Variants in MTOR observed in about 807,000 individuals in gnomAD.
MTOR encodes the protein serine/threonine-protein kinase mTOR.
In MTOR, 70 loss-of-function variants were observed where a neutral mutation model predicts 319.8. That is an observed-to-expected ratio of 0.22 (90% CI 0.18 to 0.27). The LOEUF is 0.27. Ranked by LOEUF, MTOR falls within the 10% of genes least tolerant of loss-of-function variation. The pLI is 1.00. For missense variants in MTOR, 1,890 were observed against 3,274.4 expected (o/e 0.58, Z 10.32); for synonymous variants, 1,183 against 1,211.4 (o/e 0.98, Z 0.49).
chr1:11,183,559 C>G (rs570094160), intron 28 of MTOR, among the ~76,000 whole-genome samples: 9 of 152,146 alleles, frequency 5.9e-5, no homozygotes, highest in Non-Finnish European at 1.3e-4. Context: ...GCCTTTCATT[C>G]TCTTCATTGT....
chr1:11,207,596 C>CT (rs1646177809), intron 25 of MTOR, among the ~76,000 whole-genome samples: 1 of 96,326 alleles, frequency 1.0e-5, no homozygotes, highest in Admixed American at 1.6e-4. Flanking sequence ...TTTTTCAATT[C>CT]CTTTTTTTTT....
In MTOR at chr1:11,240,463, C is replaced by T. The variant is rs774409638; in HGVS notation, c.1626G>A (p.Met542Ile). The T allele has an allele frequency of 2.5e-6, 4 of 1,614,230 alleles. No homozygotes were observed. The highest frequency in any genetic ancestry group is 3.4e-6 in the Non-Finnish European group (4 of 1,180,052). ...GTTTGTGCATAAGGACCAGGGACAG[C>T]ATTTTCAGTAGCCCATCTTGAATGT... ...KKDIQDGLLK[M>I]LSLVLMHKPL... Residue 542 changes from methionine to isoleucine, a missense_variant, in exon 11 of 58, where the codon ATG becomes ATA. By Grantham distance (10) the Met-to-Ile change is conservative. This residue lies in a region of MTOR where 418 missense variants were observed against 543.1 expected (regional missense o/e 0.77). Transcript: ENST00000361445.
At chr1:11,249,951 G>T (rs944600126) in intron 6 of MTOR, among the ~76,000 whole-genome samples, 2 of 150,922 alleles carry the variant, frequency 1.3e-5, no homozygotes, top group African/African-American at 4.8e-5. Context: ...CCCAGACGGG[G>T]TGGTGGCCGG....
rs772556623 is a variant in MTOR at position 11,139,609 on chromosome 1, G to T, written c.4922C>A (p.Ser1641Tyr). The change falls in exon 35 of 58, where the codon TCC (serine) becomes TAC (tyrosine). Residue 1641 changes from serine to tyrosine, a missense_variant. Physicochemically the swap from Ser to Tyr is moderately radical, Grantham distance 144 (BLOSUM62 -2). Transcript: ENST00000361445. ...EDWQKILMVR[S>Y]LVVSPHEDMR... Reference sequence around the variant, plus strand: ...GTCTTCATGAGGGCTGACCACAAGGGACCGCACCATAAGGATTTTCTGCCA... The same window carrying T: ...GTCTTCATGAGGGCTGACCACAAGGTACCGCACCATAAGGATTTTCTGCCA... The T allele has an allele frequency of 6.2e-7, 1 of 1,614,052 alleles. No homozygotes were observed. Among genetic ancestry groups the T allele is most frequent in the Non-Finnish European group, 8.5e-7 (1 of 1,180,048 alleles).
chr1:11,240,750 C>T (rs1647896836), intron 10 of MTOR, among the ~76,000 whole-genome samples: 1 of 152,156 alleles, frequency 6.6e-6, no homozygotes, highest in Admixed American at 6.6e-5. Flanking sequence ...CTGGTTCTTG[C>T]CACAGAAGAC....
chr1:11,112,549 C>T (rs772078705), intron 54 of MTOR, among the ~76,000 whole-genome samples: 1 of 152,196 alleles, frequency 6.6e-6, no homozygotes, highest in South Asian at 2.1e-4. Context: ...TCAAGAACCA[C>T]GAGAAAACTA....
In MTOR at chr1:11,147,251, C is replaced by T. The variant is rs568608007; in HGVS notation, c.4571-460G>A. The stretch of plus-strand genomic sequence containing the variant: ...TAGCCATTACACAGATGATAGGGGA[C>T]AGGATTAGACAAATAGCTTGCCCAT... On this transcript the variant is annotated intron_variant, in intron 31 of 57. Transcript: ENST00000361445. 4.1e-4 allele frequency among the ~76,000 whole-genome samples: 62 copies of T among 152,286 alleles called. No individual in the cohort carries two copies. The South Asian group carries it at 0.013, about 31-fold the overall frequency.
chr1:11,184,219 G>A (rs1410359648), intron 28 of MTOR, among the ~76,000 whole-genome samples: 2 of 152,088 alleles, frequency 1.3e-5, no homozygotes, highest in Non-Finnish European at 2.9e-5. Context: ...CATTTCACAG[G>A]TTGGCAAACT....
At position 11,216,065 on chromosome 1, in the gene MTOR, A is replaced by G. The variant is rs376368212; in HGVS notation, c.3117+83T>C. 5.4e-5 allele frequency: 52 copies of G among 958,366 alleles called. No individual in the cohort carries two copies. The African/African-American group carries it at 7.8e-4, about 14-fold the overall frequency. The allele number at this position is 958,366 out of a possible 1,614,324, so 59.4% of individuals were successfully genotyped here. On this transcript the variant is annotated intron_variant, in intron 20 of 57. Transcript: ENST00000361445. ...TAACAGCTCTACAAAGATCCGTGAA[A>G]AAAAGTCTATGTCATTCAAACTTGC...
Position 11,238,474 on chromosome 1 carries a change from C to T in MTOR, c.1930G>A (p.Val644Ile), listed in dbSNP as rs760948157. Residue 644 changes from valine to isoleucine, a missense_variant, in exon 12 of 58, where the codon GTT becomes ATT. By Grantham distance (29) the Val-to-Ile change is conservative (BLOSUM62 3). This residue lies in a region of MTOR where 418 missense variants were observed against 543.1 expected (regional missense o/e 0.77). Coordinates refer to ENST00000361445, the MANE Select transcript of MTOR (RefSeq NM_004958.4). ...ACCACTTGCACTGCGGTCTGGCTAA[C>T]CACATGAGCATGGCCACTGATGAGG... is the stretch of plus-strand genomic sequence containing the variant. ...IHLISGHAHVVSQTAVQVVAD... is the reference protein window; with the variant it reads ...IHLISGHAHVISQTAVQVVAD... The T allele has an allele frequency of 5.6e-6, 9 of 1,614,240 alleles. No homozygotes were observed. Among genetic ancestry groups the T allele is most frequent in the Non-Finnish European group, 7.6e-6 (9 of 1,180,044 alleles).
At chr1:11,183,762 G>A (rs1281252984) in intron 28 of MTOR, among the ~76,000 whole-genome samples, 5 of 152,014 alleles carry the variant, frequency 3.3e-5, no homozygotes, top group Admixed American at 3.3e-4. Context: ...GAGCTTTTGT[G>A]TGTGGTGTGA....
In MTOR at chr1:11,121,481, T is replaced by A; in HGVS notation, c.6811-113A>T. ...GAGCTGAGTTCTAATTTCCCCATCA[T>A]AGCCAAAGGAGAAGGGAAATAAGAA... is the stretch of plus-strand genomic sequence containing the variant. On this transcript the variant is annotated intron_variant, in intron 48 of 57. Coordinates refer to ENST00000361445, the MANE Select transcript of MTOR (RefSeq NM_004958.4). The surrounding 1 kb of genome is among the most constrained non-coding windows in gnomAD (Gnocchi z 4.9). 2 of 1,384,850 alleles carry A rather than the reference T, an allele frequency of 1.4e-6. No homozygotes were observed. Among genetic ancestry groups the A allele is most frequent in the Non-Finnish European group, 2.0e-6 (2 of 1,011,856 alleles). The allele number at this position is 1,384,850 out of a possible 1,614,324, so 85.8% of individuals were successfully genotyped here. A position where few individuals can be genotyped will look rare whatever the true frequency, so the allele number is the denominator to read the frequency against.
intron 34 of MTOR, among the ~76,000 whole-genome samples, chr1:11,140,484 G>A (rs147432393): frequency 6.6e-6 from 1 of 152,174 alleles, no homozygotes; most frequent in African/African-American, 2.4e-5. Flanking sequence ...CTCACCTCCT[G>A]CTGTGCCTCC....
chr1:11,213,297 C>G, intron 21 of MTOR, 102 bp downstream of exon 21: 1 of 1,247,648 alleles, frequency 8.0e-7, no homozygotes, highest in South Asian at 1.5e-5. Flanking sequence ...ATGGAATGGG[C>G]ATCAACCTGT....
chr1:11,109,786 T>G lies in MTOR; in HGVS notation c.7367-57A>C, dbSNP rs1458751258. 2 of 1,474,444 alleles carry G rather than the reference T, an allele frequency of 1.4e-6. No homozygotes were observed. The highest frequency in any genetic ancestry group is 1.9e-6 in the Non-Finnish European group (2 of 1,053,582). 91.3% of individuals were successfully genotyped at this position (1,474,444 alleles called of 1,614,324 possible). ...TCAAACACCAAAAAGCCACTGTTGG[T>G]GTTAGCATCTAATTCTCTACGCACT... On this transcript the variant is annotated intron_variant, in intron 54 of 57. Coordinates refer to ENST00000361445, the MANE Select transcript of MTOR (RefSeq NM_004958.4). This position sits in a 1 kb window ranked among gnomAD's most constrained non-coding sequence, Gnocchi z 4.0.
At chr1:11,135,704 G>A (rs182017479) in intron 36 of MTOR, among the ~76,000 whole-genome samples, 52 of 151,212 alleles carry the variant, frequency 3.4e-4, no homozygotes, top group African/African-American at 1.0e-3. Context: ...GTGGTGGGGC[G>A]CGCCTGTAAT....
Position 11,259,349 on chromosome 1 carries a change from C to T in MTOR, c.61G>A (p.Val21Ile), listed in dbSNP as rs149221273. The T allele has an allele frequency of 4.3e-5, 69 of 1,609,120 alleles. No homozygotes were observed. Among genetic ancestry groups the T allele is most frequent in the Admixed American group, 8.5e-5 (5 of 58,738 alleles). Residue 21 changes from valine to isoleucine, a missense_variant, in exon 2 of 58, where the codon GTC (valine) becomes ATC (isoleucine). This residue lies in a region of MTOR where 85 missense variants were observed against 105.8 expected (regional missense o/e 0.80). Coordinates refer to ENST00000361445, the MANE Select transcript of MTOR (RefSeq NM_004958.4). ...TAATTSSNVSVLQQFASGLKS... is the reference protein window; with the variant it reads ...TAATTSSNVSILQQFASGLKS... ...AGGCCACTGGCAAACTGCTGCAGGA[C>T]GCTCACATTGCTAGATGTGGTGGCA...
At position 11,185,374 on chromosome 1, in the gene MTOR, G is replaced by A. The variant is rs1360513917; in HGVS notation, c.4253+13884C>T. Reference sequence around the variant, plus strand: ...GAGGATCACTTGAGCCCAGGAGTTCGAGACCAGCCCTGGCAACACAGTGAG... The same window carrying A: ...GAGGATCACTTGAGCCCAGGAGTTCAAGACCAGCCCTGGCAACACAGTGAG... On this transcript the variant is annotated intron_variant, in intron 28 of 57. Coordinates refer to ENST00000361445, the MANE Select transcript of MTOR (RefSeq NM_004958.4). 1.4e-5 allele frequency among the ~76,000 whole-genome samples: 2 copies of A among 147,542 alleles called. 1 individual carries two copies. The highest frequency in any genetic ancestry group is 3.0e-5 in the Non-Finnish European group (2 of 67,214).
chr1:11,160,286 G>A (rs1644437561), intron 29 of MTOR, among the ~76,000 whole-genome samples: 1 of 152,094 alleles, frequency 6.6e-6, no homozygotes, highest in Non-Finnish European at 1.5e-5. Context: ...TTTTAGTAGA[G>A]ATGGGGTTTC....
Sources: allele counts gnomAD v4.1 joint callset (sites outside exome capture counted in the v4.1 genomes callset), GRCh38; gene constraint gnomAD v4.1.1; regional missense constraint gnomAD v4.1.1; non-coding constraint Gnocchi (gnomAD v3.1); transcripts MANE v1.5; gene names NCBI Gene and HGNC (gene_info 2026-07-23, HGNC 2026-07-21).